CDK8: variants seen among roughly 807,000 people sequenced by gnomAD.
CDK8 encodes the protein cyclin dependent kinase 8.
Under a neutral mutation model 71.5 loss-of-function variants are expected in CDK8, and 29 were observed. That is an observed-to-expected ratio of 0.41 (90% CI 0.30 to 0.55). The LOEUF is 0.55. CDK8 is among the 20% of genes least tolerant of loss of function. The pLI, the probability that CDK8 is intolerant of heterozygous loss-of-function variation, is 0.37. For missense variants in CDK8, 288 were observed against 572.6 expected (o/e 0.50, Z 5.07); for synonymous variants, 161 against 192.1 (o/e 0.84, Z 1.34).
At chr13:26,297,110 G>A (rs1176661508) in intron 1 of CDK8, among the ~76,000 whole-genome samples, 1 of 152,166 alleles carries the variant, frequency 6.6e-6, no homozygotes, top group African/African-American at 2.4e-5. Flanking sequence ...AAACAGTTAA[G>A]TCATTTACCC....
At chr13:26,272,764 G>A (rs762715335) in intron 1 of CDK8, among the ~76,000 whole-genome samples, 11 of 152,152 alleles carry the variant, frequency 7.2e-5, no homozygotes, top group Admixed American at 5.9e-4. Flanking sequence ...CACCACAAAC[G>A]TGCCTGTAAT....
At chr13:26,337,068 T>G (rs1167308257) in intron 1 of CDK8, among the ~76,000 whole-genome samples, 1 of 152,118 alleles carries the variant, frequency 6.6e-6, no homozygotes, top group East Asian at 1.9e-4. Flanking sequence ...AGTAAACACA[T>G]GTTGCGTGAG....
intron 1 of CDK8, among the ~76,000 whole-genome samples, chr13:26,335,566 A>C (rs769577236): frequency 3.9e-5 from 6 of 152,046 alleles, no homozygotes; most frequent in Admixed American, 6.6e-5. Flanking sequence ...AACTCAGCCT[A>C]CACAGAATGG....
intron 1 of CDK8, among the ~76,000 whole-genome samples, chr13:26,292,005 A>G (rs1001843775): frequency 2.6e-5 from 4 of 152,244 alleles, no homozygotes; most frequent in Admixed American, 2.6e-4. Flanking sequence ...ATTCAATTTT[A>G]TATTAATTCT....
At chr13:26,335,549 T>TC (rs1872941658) in intron 1 of CDK8, among the ~76,000 whole-genome samples, 2 of 152,080 alleles carry the variant, frequency 1.3e-5, no homozygotes, top group East Asian at 3.9e-4. Context: ...GTCTCACTGG[T>TC]CCCCAAAACT....
At chr13:26,398,302 T>C (rs1176960698) in intron 9 of CDK8, among the ~76,000 whole-genome samples, 1 of 152,188 alleles carries the variant, frequency 6.6e-6, no homozygotes, top group African/African-American at 2.4e-5. Flanking sequence ...ATGGACTTAC[T>C]GATTCTAATA....
intron 1 of CDK8, among the ~76,000 whole-genome samples, chr13:26,261,915 A>G (rs1366397380): frequency 6.6e-6 from 1 of 152,200 alleles, no homozygotes; most frequent in African/African-American, 2.4e-5. Flanking sequence ...CTTTGTGTAC[A>G]AGACCTGACT....
chr13:26,340,740 TCTGTGTGC>T (rs1057499195), intron 2 of CDK8, among the ~76,000 whole-genome samples: 13 of 152,318 alleles, frequency 8.5e-5, no homozygotes, highest in Admixed American at 7.2e-4. Context: ...GTTCTTTTTA[TCTGTGTGC>T]CTGGTTACTT....
At chr13:26,325,754 A>G (rs1004313672) in intron 1 of CDK8, among the ~76,000 whole-genome samples, 3 of 152,180 alleles carry the variant, frequency 2.0e-5, no homozygotes, top group East Asian at 1.9e-4. Context: ...TTAGGGAAAT[A>G]ATAATATGAT....
chr13:26,258,492 G>GTGTGTGTGT (rs1871625724), intron 1 of CDK8, among the ~76,000 whole-genome samples: 1 of 147,424 alleles, frequency 6.8e-6, no homozygotes, highest in Non-Finnish European at 1.5e-5. Context: ...TATCTAGAGG[G>GTGTGTGTGT]GTGTGTGTGT....
chr13:26,368,526 G>A (rs964009371), intron 4 of CDK8, among the ~76,000 whole-genome samples: 17 of 152,086 alleles, frequency 1.1e-4, no homozygotes, highest in African/African-American at 2.9e-4. Context: ...ATCACACCAC[G>A]GAGGCTGAGA....
intron 5 of CDK8, among the ~76,000 whole-genome samples, chr13:26,384,697 A>C (rs2138048824): frequency 6.6e-6 from 1 of 152,352 alleles, no homozygotes; most frequent in South Asian, 2.1e-4. Context: ...AGCTTTTAAA[A>C]AAAATACTGT....
intron 1 of CDK8, among the ~76,000 whole-genome samples, chr13:26,335,248 G>A (rs551839285): frequency 9.9e-5 from 15 of 152,188 alleles, no homozygotes; most frequent in African/African-American, 1.9e-4. Context: ...CCACCACATC[G>A]CTGCAACCAT....
At chr13:26,293,187 A>G (rs1260826632) in intron 1 of CDK8, among the ~76,000 whole-genome samples, 1 of 151,778 alleles carries the variant, frequency 6.6e-6, no homozygotes, top group African/African-American at 2.4e-5. Flanking sequence ...TTTAATTTTT[A>G]TTTCTGCTTT....
chr13:26,379,710 C>G (rs370407681), intron 4 of CDK8, among the ~76,000 whole-genome samples: 1 of 152,114 alleles, frequency 6.6e-6, no homozygotes, highest in African/African-American at 2.4e-5. Flanking sequence ...TTGCCAGATA[C>G]GGAGAGAATC....
intron 1 of CDK8, among the ~76,000 whole-genome samples, chr13:26,299,278 C>T (rs1172904924): frequency 1.3e-5 from 2 of 152,186 alleles, no homozygotes; most frequent in South Asian, 2.1e-4. Context: ...TTTATATATA[C>T]AGTTACTTGT....
intron 4 of CDK8, among the ~76,000 whole-genome samples, chr13:26,373,751 A>G (rs1376453120): frequency 1.3e-5 from 2 of 152,180 alleles, no homozygotes; most frequent in Non-Finnish European, 2.9e-5. Context: ...TTTATCAAAA[A>G]CAGTAGTTAA....
chr13:26,271,806 CTTTTTTTTTTTTTT>C (rs58160694), intron 1 of CDK8, among the ~76,000 whole-genome samples: 981 of 62,668 alleles, frequency 0.016, 17 homozygotes, highest in South Asian at 0.044. Flanking sequence ...GAGACCCTGT[CTTTTTTTTTTTTTT>C]TTTTTTTTTT....
At chr13:26,357,861 C>A (rs1337850725) in intron 4 of CDK8, among the ~76,000 whole-genome samples, 1 of 152,192 alleles carries the variant, frequency 6.6e-6, no homozygotes, top group Non-Finnish European at 1.5e-5. Flanking sequence ...TGAGGCATAT[C>A]CATGTTAAGG....
Sources: allele counts gnomAD v4.1 joint callset (sites outside exome capture counted in the v4.1 genomes callset), GRCh38; gene constraint gnomAD v4.1.1; transcripts MANE v1.5; gene names NCBI Gene and HGNC (gene_info 2026-07-23, HGNC 2026-07-21).